The following ANGPT1 variants were observed in gnomAD, a reference collection of about 807,000 sequenced individuals.
ANGPT1 encodes angiopoietin 1, also known as angiopoietin-1.
A neutral mutation model predicts 62.2 loss-of-function variants in ANGPT1; 17 were observed. The ratio of observed to expected loss-of-function variants is 0.27; its 90% CI spans 0.19 to 0.41. The LOEUF (loss-of-function observed/expected upper bound fraction) is 0.41. Among genes scored for constraint, ANGPT1 ranks in the 10% least tolerant of loss-of-function variants. The probability of loss-of-function intolerance (pLI) is 1.00; values close to 1 mark genes in which losing one functional copy is unlikely to be tolerated. For synonymous variants in ANGPT1, 199 were observed against 198.9 expected, an observed-to-expected ratio of 1.00 and a Z score of 0.00; for missense variants, 478 against 594.9, an observed-to-expected ratio of 0.80 and a Z score of 2.04.
At chr8:107,483,413 T>G (rs1214135777) in intron 1 of ANGPT1, among the ~76,000 whole-genome samples, 2 of 152,156 alleles carry the variant, frequency 1.3e-5, no homozygotes, top group African/African-American at 4.8e-5. Context: ...ATCATTTATT[T>G]GAACCAAGGT....
Position 107,280,206 on chromosome 8 carries a change from A to ATT in ANGPT1, c.1205+4474_1205+4475dup, listed in dbSNP as rs112224242. Among the ~76,000 whole-genome samples, 247 of 145,568 alleles carry ATT rather than the reference A, an allele frequency of 1.7e-3. 2 individuals are homozygous for ATT. The highest frequency in any genetic ancestry group is 6.0e-3 in the African/African-American group (238 of 39,872). On this transcript the variant is annotated intron_variant, in intron 7 of 8. Coordinates refer to ENST00000517746, the MANE Select transcript of ANGPT1 (RefSeq NM_001146.5). Reference sequence around the variant, plus strand: ...GTGATGTTACTTTCTTTCTTTTTTTATTTTTTTTTTTGAGATGGCGTTTCA... The same window carrying ATT: ...GTGATGTTACTTTCTTTCTTTTTTTATTTTTTTTTTTTTGAGATGGCGTTTCA...
intron 1 of ANGPT1, among the ~76,000 whole-genome samples, chr8:107,394,753 A>C (rs1816902296): frequency 6.6e-6 from 1 of 152,108 alleles, no homozygotes; most frequent in Non-Finnish European, 1.5e-5. Flanking sequence ...TGATTTTGTT[A>C]AGATTTCCTT....
chr8:107,306,198 G>A (rs1261634553), intron 4 of ANGPT1, among the ~76,000 whole-genome samples: 3 of 152,044 alleles, frequency 2.0e-5, no homozygotes, highest in African/African-American at 2.4e-5. Flanking sequence ...GGCCAGTCTA[G>A]GGGGTGGTGG....
At position 107,250,482 on chromosome 8, in the gene ANGPT1, T is replaced by A. The variant is rs2129971429; in HGVS notation, c.*1373A>T. The A allele has an allele frequency of 6.6e-6, 1 of 152,242 alleles. No individual in the cohort carries two copies. Among genetic ancestry groups the A allele is most frequent in the South Asian group, 2.1e-4 (1 of 4,826 alleles). 9.4% of individuals were successfully genotyped at this position (152,242 alleles called of 1,614,324 possible). On this transcript the variant is annotated 3_prime_UTR_variant, in exon 9 of 9. Transcript: ENST00000517746. ...AGTTTTGCCAATTTTTCTCCCCTGA[T>A]AATAATTTTTAAAAATTAAAAATTG...
At chr8:107,428,554 T>C (rs1237665018) in intron 1 of ANGPT1, among the ~76,000 whole-genome samples, 1 of 152,182 alleles carries the variant, frequency 6.6e-6, no homozygotes, top group Non-Finnish European at 1.5e-5. Flanking sequence ...CCACACACTG[T>C]TTTTTGATGA....
At chr8:107,372,813 T>C (rs1490547291) in intron 1 of ANGPT1, among the ~76,000 whole-genome samples, 1 of 151,454 alleles carries the variant, frequency 6.6e-6, no homozygotes, top group Non-Finnish European at 1.5e-5. Flanking sequence ...TTTTGTGTTA[T>C]ATACGTTATA....
chr8:107,314,065 G>T (rs1465626444), intron 4 of ANGPT1, among the ~76,000 whole-genome samples: 4 of 152,128 alleles, frequency 2.6e-5, no homozygotes, highest in African/African-American at 9.7e-5. Flanking sequence ...TTTGTCCCTG[G>T]TTTAGAAAAT....
chr8:107,308,689 T>C (rs1020511200), intron 4 of ANGPT1, among the ~76,000 whole-genome samples: 1 of 152,174 alleles, frequency 6.6e-6, no homozygotes, highest in Non-Finnish European at 1.5e-5. Flanking sequence ...CACACCAATA[T>C]CAGCAAATAA....
At chr8:107,350,136 T>C (rs961481720) in intron 1 of ANGPT1, among the ~76,000 whole-genome samples, 1 of 152,184 alleles carries the variant, frequency 6.6e-6, no homozygotes, top group Non-Finnish European at 1.5e-5. Context: ...AAGAAAGTGA[T>C]GCTCTAGTTT....
chr8:107,267,684 G>T (rs11777978), intron 7 of ANGPT1, among the ~76,000 whole-genome samples: 1 of 151,708 alleles, frequency 6.6e-6, no homozygotes, highest in African/African-American at 2.4e-5. Flanking sequence ...AAAGTTGCTC[G>T]GTTGTTCCTC....
At chr8:107,276,004 T>A (rs1261527704) in intron 7 of ANGPT1, among the ~76,000 whole-genome samples, 1 of 152,174 alleles carries the variant, frequency 6.6e-6, no homozygotes, top group African/African-American at 2.4e-5. Flanking sequence ...TTCAACTGCA[T>A]TTTTAAGTGA....
chr8:107,420,184 A>C (rs1419537574), intron 1 of ANGPT1, among the ~76,000 whole-genome samples: 1 of 152,166 alleles, frequency 6.6e-6, no homozygotes, highest in East Asian at 1.9e-4. Flanking sequence ...TTGCAACCTG[A>C]AAACTATTTG....
chr8:107,318,593 G>A (rs567306104), intron 4 of ANGPT1, among the ~76,000 whole-genome samples: 18 of 152,128 alleles, frequency 1.2e-4, no homozygotes, highest in Non-Finnish European at 2.4e-4. Context: ...GAAGCTATGC[G>A]TTTTATACTA....
At chr8:107,455,960 A>G (rs1811907979) in intron 1 of ANGPT1, among the ~76,000 whole-genome samples, 1 of 152,088 alleles carries the variant, frequency 6.6e-6, no homozygotes, top group South Asian at 2.1e-4. Context: ...TATAAGGACA[A>G]GAAGTCAGAA....
At chr8:107,401,168 A>G (rs1168101024) in intron 1 of ANGPT1, among the ~76,000 whole-genome samples, 1 of 152,156 alleles carries the variant, frequency 6.6e-6, no homozygotes, top group Non-Finnish European at 1.5e-5. Flanking sequence ...TATTCAAAAC[A>G]GTCTTTATTG....
chr8:107,366,227 C>T (rs1000381418), intron 1 of ANGPT1, among the ~76,000 whole-genome samples: 4 of 152,178 alleles, frequency 2.6e-5, no homozygotes, highest in Non-Finnish European at 5.9e-5. Context: ...TTTACTAAAT[C>T]TACTTCATGG....
intron 1 of ANGPT1, among the ~76,000 whole-genome samples, chr8:107,461,821 G>C (rs376702218): frequency 6.6e-6 from 1 of 152,008 alleles, no homozygotes; most frequent in Non-Finnish European, 1.5e-5. Flanking sequence ...GGTATGGGGC[G>C]ATCTCTCTAC....
At chr8:107,389,225 A>G (rs1234509018) in intron 1 of ANGPT1, among the ~76,000 whole-genome samples, 2 of 152,170 alleles carry the variant, frequency 1.3e-5, no homozygotes, top group Non-Finnish European at 2.9e-5. Flanking sequence ...TTATTTCTGT[A>G]AAAAATGAGG....
intron 4 of ANGPT1, among the ~76,000 whole-genome samples, chr8:107,318,616 A>G (rs1261641690): frequency 6.6e-6 from 1 of 152,178 alleles, no homozygotes; most frequent in Non-Finnish European, 1.5e-5. Flanking sequence ...CTCTTTTAAT[A>G]TTTCAACATT....
Sources: gnomAD v4.1 joint callset for allele counts (sites outside exome capture counted in the v4.1 genomes callset) on GRCh38, gnomAD v4.1.1 for gene constraint, MANE v1.5 for transcripts, NCBI Gene and HGNC (gene_info 2026-07-23, HGNC 2026-07-21) for gene names.